OR51B5: variants seen among roughly 807,000 people sequenced by gnomAD.
The protein encoded by OR51B5 is olfactory receptor 51B5.
For synonymous variants in OR51B5, 186 were observed against 144.8 expected (o/e 1.28, Z -2.04); for missense variants, 456 against 374.6 (o/e 1.22, Z -1.79).
chr11:5,348,425 C>A (rs1849027161), upstream of OR51B5, among the ~76,000 whole-genome samples: 1 of 151,878 alleles, frequency 6.6e-6, no homozygotes, highest in South Asian at 2.1e-4. Flanking sequence ...AATATAGAAT[C>A]AACTCTTCCA....
In OR51B5 at chr11:5,389,799, G is replaced by A. The variant is rs377036532; in HGVS notation, n.85-42889C>T. 16 of 1,613,730 alleles carry A rather than the reference G, an allele frequency of 9.9e-6. No homozygotes were observed. The highest frequency in any genetic ancestry group is 7.7e-5 in the South Asian group (7 of 91,076). The stretch of plus-strand genomic sequence containing the variant: ...GTGCTCCTCATGATGTCCTTTGACC[G>A]CCTTGTGGCCATCTGCCACCCTCTG... On this transcript the variant is annotated intron_variant and non_coding_transcript_variant, in intron 1 of 4. Transcript: ENST00000415970.
intron 1 of OR51B5, among the ~76,000 whole-genome samples, chr11:5,462,484 G>T (rs1356037480): frequency 6.6e-6 from 1 of 152,142 alleles, no homozygotes; most frequent in African/African-American, 2.4e-5. Context: ...CCTCAATTAA[G>T]CCACCTACAG....
At chr11:5,441,097 G>A in intron 1 of OR51B5, 1 of 1,614,014 alleles carries the variant, frequency 6.2e-7, no homozygotes, top group Non-Finnish European at 8.5e-7. Flanking sequence ...ATACGGTTGT[G>A]AGTGAGCACA....
chr11:5,356,564 C>G (rs1849198236), intron 1 of OR51B5, among the ~76,000 whole-genome samples: 1 of 144,030 alleles, frequency 6.9e-6, no homozygotes. Flanking sequence ...AGGATATTAT[C>G]CAGGAGAACT....
chr11:5,397,915 G>A (rs9795015), intron 1 of OR51B5, among the ~76,000 whole-genome samples: 79,642 of 150,878 alleles, frequency 0.53, 21,482 homozygotes, highest in African/African-American at 0.65. Context: ...CATGGATGAA[G>A]CTGGAAACCA....
chr11:5,494,645 G>T (rs1379719759), intron 1 of OR51B5, among the ~76,000 whole-genome samples: 2 of 152,066 alleles, frequency 1.3e-5, no homozygotes, highest in Non-Finnish European at 2.9e-5. Context: ...TTTAAATCCC[G>T]CTGCCATCAC....
At chr11:5,412,004 G>A (rs1032980137) in intron 1 of OR51B5, among the ~76,000 whole-genome samples, 5 of 152,092 alleles carry the variant, frequency 3.3e-5, no homozygotes, top group Non-Finnish European at 4.4e-5. Context: ...TCTGAACTAC[G>A]GACTCTAAGA....
rs1260014786 is a variant in OR51B5, at chr11:5,465,495, A to G, written n.84+40074T>C. Among the ~76,000 whole-genome samples, 787 of 151,926 alleles carry G rather than the reference A, an allele frequency of 5.2e-3. 6 individuals carry two copies. Among genetic ancestry groups the G allele is most frequent in the African/African-American group, 0.017 (700 of 41,386 alleles). On this transcript the variant is annotated intron_variant and non_coding_transcript_variant, in intron 1 of 4. Coordinates refer to the OR51B5 transcript ENST00000415970. ...ATGGAACCAAAAAAGAGCCCCCATC[A>G]CCAAGGCAATCCTAAGCCAAAAGAA...
chr11:5,422,640 G>A, intron 1 of OR51B5: 15 of 1,613,988 alleles, frequency 9.3e-6, no homozygotes, highest in Non-Finnish European at 1.3e-5. Context: ...GGTAGAACTG[G>A]GTTAGCCATC....
intron 1 of OR51B5, chr11:5,422,347 T>G (rs1258165057): frequency 2.5e-6 from 4 of 1,613,998 alleles, no homozygotes; most frequent in Middle Eastern, 1.6e-4. Context: ...CCATCCTCAC[T>G]GTCATTCGCA....
At position 5,387,873 on chromosome 11, in the gene OR51B5, T is replaced by C. The variant is rs1376791987; in HGVS notation, n.85-40963A>G. Among the ~76,000 whole-genome samples the C allele has an allele frequency of 6.6e-5, 10 of 152,106 alleles. 1 individual carries two copies. Among genetic ancestry groups the C allele is most frequent in the Non-Finnish European group, 1.0e-4 (7 of 68,010 alleles). ...TCCTCCTTTGCTCCCTACTTCTTTA[T>C]TGCATTACATTACCTTGCATTGCAG... On this transcript the variant is annotated intron_variant and non_coding_transcript_variant, in intron 1 of 4. Transcript: ENST00000415970.
intron 1 of OR51B5, among the ~76,000 whole-genome samples, chr11:5,405,176 A>T (rs931618906): frequency 5.3e-5 from 8 of 152,228 alleles, no homozygotes; most frequent in African/African-American, 1.7e-4. Flanking sequence ...CATAAAATAT[A>T]TACTAAGAAC....
Position 5,482,038 on chromosome 11 carries a change from G to C in OR51B5, n.84+23531C>G, listed in dbSNP as rs908840841. Reference sequence around the variant, plus strand: ...TTCATATGGAACCAAAAAAGAGCCTGCATCACCAAGGCAATCCTAAGCCAA... The same window carrying C: ...TTCATATGGAACCAAAAAAGAGCCTCCATCACCAAGGCAATCCTAAGCCAA... On this transcript the variant is annotated intron_variant and non_coding_transcript_variant, in intron 1 of 4. Transcript: ENST00000415970. 5.1e-3 allele frequency among the ~76,000 whole-genome samples: 612 copies of C among 119,886 alleles called. 38 individuals are homozygous for C. Among genetic ancestry groups the C allele is most frequent in the Non-Finnish European group, 7.9e-3 (476 of 60,190 alleles). The allele number at this position is 119,886 out of a possible 152,430, so 78.6% of individuals were successfully genotyped here. A position where few individuals can be genotyped will look rare whatever the true frequency, so the allele number is the denominator to read the frequency against.
chr11:5,388,261 G>A (rs561305918), intron 1 of OR51B5, among the ~76,000 whole-genome samples: 78 of 152,014 alleles, frequency 5.1e-4, no homozygotes, highest in African/African-American at 1.8e-3. Context: ...AGACAGTCAT[G>A]GTTTATGTCC....
intron 1 of OR51B5, chr11:5,453,419 C>A: frequency 8.8e-7 from 1 of 1,136,790 alleles, no homozygotes; most frequent in Non-Finnish European, 1.2e-6. Context: ...TGTCCTCCAG[C>A]AAGTGCAACT....
chr11:5,366,675 AAG>A (rs1849374050), intron 1 of OR51B5, among the ~76,000 whole-genome samples: 1 of 151,366 alleles, frequency 6.6e-6, no homozygotes, highest in Non-Finnish European at 1.5e-5. Flanking sequence ...GGAAGAGAAG[AAG>A]AAGAAGAAGG....
rs1238791379 is a variant in OR51B5 at position 5,410,905 on chromosome 11, A to C, written n.85-63995T>G. Among the ~76,000 whole-genome samples the C allele has an allele frequency of 2.6e-5, 4 of 151,552 alleles. No individual in the cohort carries two copies. In the East Asian group the frequency reaches 7.7e-4, roughly 29 times the overall value. On this transcript the variant is annotated intron_variant and non_coding_transcript_variant, in intron 1 of 4. Transcript: ENST00000415970. Reference sequence around the variant, plus strand: ...GTAAAATAAGGATGTAAAGAAAAAAATATTTCTGTACCACTGTACAATGCA... The same window carrying C: ...GTAAAATAAGGATGTAAAGAAAAAACTATTTCTGTACCACTGTACAATGCA...
At chr11:5,420,334 G>C (rs1420411425) in intron 1 of OR51B5, among the ~76,000 whole-genome samples, 2 of 151,962 alleles carry the variant, frequency 1.3e-5, no homozygotes, top group African/African-American at 4.8e-5. Flanking sequence ...TATTTTGAAA[G>C]TTTAAAACAC....
chr11:5,398,921 C>T (rs1033992058), intron 1 of OR51B5, among the ~76,000 whole-genome samples: 1 of 152,074 alleles, frequency 6.6e-6, no homozygotes, highest in Non-Finnish European at 1.5e-5. Flanking sequence ...ATCTTTAGAG[C>T]AGTGTGAGAA....
Sources: allele counts gnomAD v4.1 joint callset (sites outside exome capture counted in the v4.1 genomes callset), GRCh38; gene constraint gnomAD v4.1.1; transcripts MANE v1.5; gene names NCBI Gene and HGNC (gene_info 2026-07-23, HGNC 2026-07-21).